The following MGLL variants were observed in gnomAD, a reference collection of about 807,000 sequenced individuals.
MGLL encodes monoglyceride lipase, also known as lysophospholipase homolog.
Under a neutral mutation model 29.1 loss-of-function variants are expected in MGLL, and 7 were observed. The ratio of observed to expected loss-of-function variants is 0.24; its 90% CI spans 0.14 to 0.45. MGLL has a LOEUF of 0.45. MGLL is among the 20% of genes least tolerant of loss of function. MGLL has a pLI of 0.99. For missense variants in MGLL, 356 were observed against 413.6 expected (o/e 0.86, Z 1.21); for synonymous variants, 148 against 168.3 (o/e 0.88, Z 0.93).
rs774965066 is a variant in MGLL at position 127,737,630 on chromosome 3, C to CTTTTTTTTTTTTTT, written c.263-15078_263-15065dup. Among the ~76,000 whole-genome samples, 290 of 68,602 alleles carry CTTTTTTTTTTTTTT rather than the reference C, an allele frequency of 4.2e-3. 34 individuals carry two copies. The highest frequency in any genetic ancestry group is 6.6e-3 in the African/African-American group (89 of 13,580). 45.0% of individuals were successfully genotyped at this position (68,602 alleles called of 152,430 possible). ...GACACAGTGAAATCATCAACTGCTT[C>CTTTTTTTTTTTTTT]TTTTTTTTTTTTTTTTTTTTTTTTT... On this transcript the variant is annotated intron_variant, in intron 3 of 7. Coordinates refer to ENST00000265052, the MANE Select transcript of MGLL (RefSeq NM_007283.7).
At chr3:127,779,366 C>G (rs1045583093) in intron 3 of MGLL, among the ~76,000 whole-genome samples, 2 of 151,468 alleles carry the variant, frequency 1.3e-5, no homozygotes, top group Admixed American at 1.3e-4. Context: ...GACTCCATTT[C>G]AAAAAAATAA....
chr3:127,774,931 C>T (rs1023711291), intron 3 of MGLL, among the ~76,000 whole-genome samples: 8 of 151,320 alleles, frequency 5.3e-5, no homozygotes, highest in South Asian at 2.1e-4. Context: ...ATTTTACAAA[C>T]GAGCAACTGA....
chr3:127,734,484 A>G (rs907898540), intron 3 of MGLL, among the ~76,000 whole-genome samples: 10 of 152,244 alleles, frequency 6.6e-5, no homozygotes, highest in African/African-American at 2.4e-4. Context: ...TTCGGCACAG[A>G]CAGACATTTC....
upstream of MGLL, chr3:127,822,661 G>A (rs143287448): frequency 2.9e-3 from 1,014 of 346,908 alleles, 6 homozygotes; most frequent in South Asian, 0.015. Flanking sequence ...CGCGCACACC[G>A]AGGCACCTCG....
chr3:127,705,732 C>T lies in MGLL; in HGVS notation c.600+4844G>A, dbSNP rs142159174. ...TGGAGGTTGTGGTAAGCCAAGATCG[C>T]GCCACTGCACTCCAGCCTGGGCGAC... On this transcript the variant is annotated intron_variant, in intron 6 of 7. Transcript: ENST00000265052. 7.8e-3 allele frequency among the ~76,000 whole-genome samples: 1,165 copies of T among 149,736 alleles called. 18 individuals are homozygous for T. Among genetic ancestry groups the T allele is most frequent in the African/African-American group, 0.027 (1,112 of 40,530 alleles).
At chr3:127,702,838 GCACACGC>G (rs2075520100) in intron 6 of MGLL, among the ~76,000 whole-genome samples, 1 of 152,072 alleles carries the variant, frequency 6.6e-6, no homozygotes, top group Admixed American at 6.5e-5. Flanking sequence ...GGGATTACAG[GCACACGC>G]CACCATGCCC....
In MGLL at chr3:127,791,111, G is replaced by A. The variant is rs56784030; in HGVS notation, c.156-9216C>T. ...TCTGAGGAGGCTTCCTCTTCCTTTG[G>A]TGCAAATGCCCTGCTGAAATAAGTG... is the stretch of plus-strand genomic sequence containing the variant. On this transcript the variant is annotated intron_variant, in intron 2 of 7. Coordinates refer to ENST00000265052, the MANE Select transcript of MGLL (RefSeq NM_007283.7). 47 of 152,328 alleles carry A rather than the reference G, an allele frequency of 3.1e-4. 1 individual carries two copies. Among genetic ancestry groups the A allele is most frequent in the African/African-American group, 1.0e-3 (43 of 41,560 alleles). The allele number at this position is 152,328 out of a possible 1,614,324, so 9.4% of individuals were successfully genotyped here. A position where few individuals can be genotyped will look rare whatever the true frequency, so the allele number is the denominator to read the frequency against.
chr3:127,767,006 G>C (rs1345557447), intron 3 of MGLL, among the ~76,000 whole-genome samples: 1 of 152,126 alleles, frequency 6.6e-6, no homozygotes, highest in East Asian at 1.9e-4. Context: ...GGGAGGCAGA[G>C]ATTGCAGGTA....
At chr3:127,707,581 C>T (rs1330664780) in intron 6 of MGLL, among the ~76,000 whole-genome samples, 2 of 152,320 alleles carry the variant, frequency 1.3e-5, no homozygotes, top group South Asian at 2.1e-4. Context: ...GCACTTGGCC[C>T]GGAGTAGCTG....
At chr3:127,758,710 G>A (rs979071150) in intron 3 of MGLL, among the ~76,000 whole-genome samples, 10 of 152,098 alleles carry the variant, frequency 6.6e-5, no homozygotes, top group African/African-American at 2.2e-4. Flanking sequence ...CTTTAAAAGG[G>A]TCTTTAAAAA....
At chr3:127,751,611 C>T (rs772709970) in intron 3 of MGLL, among the ~76,000 whole-genome samples, 18 of 151,866 alleles carry the variant, frequency 1.2e-4, no homozygotes, top group Non-Finnish European at 1.8e-4. Flanking sequence ...TGAGCCCAGA[C>T]GCATGCACTG....
In MGLL at chr3:127,761,691, C is replaced by T. The variant is rs1402262308; in HGVS notation, c.262+20098G>A. The stretch of plus-strand genomic sequence containing the variant: ...CAGAGAGGGCTGGCGCACAGCCGGC[C>T]GTGGGCAGAGCTGGACTGCCACGCA... On this transcript the variant is annotated intron_variant, in intron 3 of 7. Transcript: ENST00000265052. The surrounding 1 kb of genome is among the most constrained non-coding windows in gnomAD (Gnocchi z 4.6). 4.6e-5 allele frequency among the ~76,000 whole-genome samples: 7 copies of T among 152,176 alleles called. No homozygotes were observed. Among genetic ancestry groups the T allele is most frequent in the South Asian group, 2.1e-4 (1 of 4,832 alleles).
At chr3:127,802,478 T>C (rs1336852793) in intron 2 of MGLL, among the ~76,000 whole-genome samples, 1 of 152,158 alleles carries the variant, frequency 6.6e-6, no homozygotes, top group Non-Finnish European at 1.5e-5. Context: ...AATATGTCAG[T>C]GCCAGTGGGG....
intron 5 of MGLL, chr3:127,710,961 A>C: frequency 7.0e-6 from 3 of 428,184 alleles, no homozygotes; most frequent in Non-Finnish European, 1.3e-5. Context: ...ATGATCGCTC[A>C]TGGGTTGTAA....
chr3:127,822,274 C>T, intron 1 of MGLL, 35 bp downstream of exon 1: 2 of 1,598,438 alleles, frequency 1.3e-6, no homozygotes, highest in Non-Finnish European at 1.7e-6. Flanking sequence ...TCAGATTATT[C>T]CTCCCATCTG....
intron 3 of MGLL, among the ~76,000 whole-genome samples, chr3:127,755,676 C>T (rs887105547): frequency 1.3e-5 from 2 of 152,206 alleles, no homozygotes; most frequent in Non-Finnish European, 2.9e-5. Context: ...CCAGATATAC[C>T]GGGCAGAGTC....
At chr3:127,737,361 C>G (rs1287697479) in intron 3 of MGLL, among the ~76,000 whole-genome samples, 1 of 151,494 alleles carries the variant, frequency 6.6e-6, no homozygotes, top group Non-Finnish European at 1.5e-5. Flanking sequence ...GGCTCAGCCT[C>G]GTCACCTGCA....
Position 127,692,166 on chromosome 3 carries a change from C to A in MGLL, c.*32G>T, listed in dbSNP as rs759981686. 1 of 1,610,812 alleles carries A rather than the reference C, an allele frequency of 6.2e-7. No homozygotes were observed. The highest frequency in any genetic ancestry group is 1.1e-5 in the South Asian group (1 of 91,006). ...TCTGCCCTTCCCCTGCCTGCATCCC[C>A]CAGACCATGAGCCGGGCACCGGCCA... On this transcript the variant is annotated 3_prime_UTR_variant, in exon 8 of 8. Transcript: ENST00000265052.
intron 2 of MGLL, among the ~76,000 whole-genome samples, chr3:127,796,653 T>C (rs2107730805): frequency 6.6e-6 from 1 of 152,360 alleles, no homozygotes; most frequent in Admixed American, 6.5e-5. Context: ...AACAGTGATG[T>C]ACTGCAGCCA....
Sources: gnomAD v4.1 joint callset for allele counts (sites outside exome capture counted in the v4.1 genomes callset) on GRCh38, gnomAD v4.1.1 for gene constraint, Gnocchi (gnomAD v3.1) non-coding constraint, MANE v1.5 for transcripts, NCBI Gene and HGNC (gene_info 2026-07-23, HGNC 2026-07-21) for gene names.